INPP4B: variants seen among roughly 807,000 people sequenced by gnomAD.
INPP4B encodes the protein inositol polyphosphate 4-phosphatase type II.
In INPP4B, 55 loss-of-function variants were observed where a neutral mutation model predicts 122.5. The observed-to-expected ratio is 0.45, with a 90% confidence interval of 0.36 to 0.56. The LOEUF (loss-of-function observed/expected upper bound fraction) is 0.56, where lower values mean the gene tolerates loss of function less well. Ranked by LOEUF, INPP4B falls within the 20% of genes least tolerant of loss-of-function variation. The pLI is 0.00. For missense variants in INPP4B, 1,000 were observed against 1,097.7 expected (o/e 0.91, Z 1.26); for synonymous variants, 403 against 388.7 (o/e 1.04, Z -0.43).
intron 2 of INPP4B, among the ~76,000 whole-genome samples, chr4:142,504,719 T>C (rs113709593): frequency 0.012 from 1,757 of 152,196 alleles, 31 homozygotes; most frequent in African/African-American, 0.04. Flanking sequence ...TCATACTATA[T>C]TGTTGAATCA....
chr4:142,117,482 T>C (rs1262243025), intron 21 of INPP4B, among the ~76,000 whole-genome samples: 1 of 152,148 alleles, frequency 6.6e-6, no homozygotes, highest in Non-Finnish European at 1.5e-5. Context: ...GTGGGCTTCA[T>C]CCCTGGGATG....
At chr4:142,532,399 C>T (rs1477173873) in intron 2 of INPP4B, among the ~76,000 whole-genome samples, 3 of 152,158 alleles carry the variant, frequency 2.0e-5, no homozygotes, top group African/African-American at 7.2e-5. Context: ...CTTCAAGTCT[C>T]TGGTCGTTCT....
intron 18 of INPP4B, among the ~76,000 whole-genome samples, chr4:142,125,694 A>C (rs1201426680): frequency 6.6e-6 from 1 of 152,070 alleles, no homozygotes; most frequent in Non-Finnish European, 1.5e-5. Flanking sequence ...CTATTCCATG[A>C]AGATTGGGTT....
chr4:142,483,247 G>C lies in INPP4B; in HGVS notation c.-190-20521C>G, dbSNP rs542908609. 6.3e-5 allele frequency among the ~76,000 whole-genome samples: 8 copies of C among 127,168 alleles called. No individual in the cohort carries two copies. In the South Asian group the frequency reaches 2.0e-3, roughly 32 times the overall value. 83.4% of individuals were successfully genotyped at this position (127,168 alleles called of 152,430 possible). On this transcript the variant is annotated intron_variant, in intron 2 of 25. Coordinates refer to ENST00000262992, the MANE Select transcript of INPP4B (RefSeq NM_001101669.3). ...TCAATGCCAAGGGTCTCACAATGGC[G>C]TTAGTTAGATATTCAAAGCACACAA...
At chr4:142,071,555 C>G (rs945747417) in intron 25 of INPP4B, among the ~76,000 whole-genome samples, 1 of 152,268 alleles carries the variant, frequency 6.6e-6, no homozygotes, top group African/African-American at 2.4e-5. Context: ...AGGCAACCTA[C>G]AGAATGGGAG....
intron 5 of INPP4B, among the ~76,000 whole-genome samples, chr4:142,415,744 G>A (rs1805588468): frequency 6.6e-6 from 1 of 152,116 alleles, no homozygotes. Context: ...CAAAGACTTG[G>A]AACCAACCCA....
At chr4:142,828,050 A>G (rs1471802043) in intron 1 of INPP4B, among the ~76,000 whole-genome samples, 1 of 152,152 alleles carries the variant, frequency 6.6e-6, no homozygotes, top group East Asian at 1.9e-4. Context: ...GGGTGAATAA[A>G]TGGGAGAACT....
chr4:142,788,422 T>A (rs765590209), intron 1 of INPP4B, among the ~76,000 whole-genome samples: 99 of 152,070 alleles, frequency 6.5e-4, no homozygotes, highest in Admixed American at 6.6e-4. Flanking sequence ...ACTAGTAACA[T>A]GTGAATGGTC....
At chr4:142,496,198 C>A (rs1275141888) in intron 2 of INPP4B, among the ~76,000 whole-genome samples, 3 of 151,416 alleles carry the variant, frequency 2.0e-5, no homozygotes, top group Non-Finnish European at 2.9e-5. Flanking sequence ...TATTTTTTTT[C>A]TTCCTGGTTA....
chr4:142,195,729 G>A (rs1398071431), intron 14 of INPP4B, among the ~76,000 whole-genome samples: 5 of 152,154 alleles, frequency 3.3e-5, no homozygotes, highest in African/African-American at 4.8e-5. Context: ...AGAAGGGAAG[G>A]AAAAGGGAGG....
intron 7 of INPP4B, among the ~76,000 whole-genome samples, chr4:142,315,264 C>T (rs1579708085): frequency 6.6e-6 from 1 of 152,042 alleles, no homozygotes; most frequent in South Asian, 2.1e-4. Context: ...AAAAAATGTT[C>T]TCTGAATGAG....
chr4:142,055,694 C>A (rs1908922), intron 25 of INPP4B, among the ~76,000 whole-genome samples: 1 of 150,534 alleles, frequency 6.6e-6, no homozygotes, highest in African/African-American at 2.5e-5. Flanking sequence ...TCTACTAAAT[C>A]TTTTTTTTTT....
chr4:142,490,536 A>G (rs1400447966), intron 2 of INPP4B, among the ~76,000 whole-genome samples: 2 of 152,166 alleles, frequency 1.3e-5, no homozygotes, highest in African/African-American at 4.8e-5. Context: ...CCTATCCATT[A>G]CCTCATAATT....
intron 17 of INPP4B, among the ~76,000 whole-genome samples, chr4:142,148,732 G>A (rs1046035074): frequency 3.3e-5 from 5 of 152,110 alleles, no homozygotes; most frequent in African/African-American, 1.2e-4. Context: ...CACCTTTGTA[G>A]CCTGTAAAGA....
intron 2 of INPP4B, among the ~76,000 whole-genome samples, chr4:142,574,509 T>TA (rs1295662804): frequency 6.6e-6 from 1 of 152,072 alleles, no homozygotes; most frequent in African/African-American, 2.4e-5. Context: ...CTTTCAGCCT[T>TA]ACCCTGGCCA....
At chr4:142,264,994 C>T (rs1742072964) in intron 10 of INPP4B, among the ~76,000 whole-genome samples, 1 of 151,956 alleles carries the variant, frequency 6.6e-6, no homozygotes, top group Admixed American at 6.6e-5. Context: ...CTCTCCCTCT[C>T]TCTCCCTCCC....
At chr4:142,159,327 A>G (rs1026971790) in intron 17 of INPP4B, among the ~76,000 whole-genome samples, 11 of 152,014 alleles carry the variant, frequency 7.2e-5, no homozygotes, top group African/African-American at 2.7e-4. Flanking sequence ...CTCTTTGAAA[A>G]TGCTTCATTG....
chr4:142,293,638 C>T (rs1167267089), intron 9 of INPP4B, among the ~76,000 whole-genome samples: 1 of 152,120 alleles, frequency 6.6e-6, no homozygotes, highest in East Asian at 1.9e-4. Context: ...TTCCCTGACT[C>T]AATCCTTTAT....
chr4:142,302,609 T>C (rs1043649790), intron 9 of INPP4B, among the ~76,000 whole-genome samples: 1 of 152,122 alleles, frequency 6.6e-6, no homozygotes, highest in Non-Finnish European at 1.5e-5. Context: ...ACATCTCTAA[T>C]ATAATTATCA....
Sources: gnomAD v4.1 joint callset for allele counts (sites outside exome capture counted in the v4.1 genomes callset) on GRCh38, gnomAD v4.1.1 for gene constraint, MANE v1.5 for transcripts, NCBI Gene and HGNC (gene_info 2026-07-23, HGNC 2026-07-21) for gene names.